The following DNAH11 variants were observed in gnomAD, a reference collection of about 807,000 sequenced individuals.
DNAH11 encodes the protein axonemal beta dynein heavy chain 11.
Under a neutral mutation model 526.0 loss-of-function variants are expected in DNAH11, and 442 were observed. That is an observed-to-expected ratio of 0.84 (90% CI 0.78 to 0.91). The LOEUF is 0.91. DNAH11 is among the 40% of genes least tolerant of loss of function. The pLI is 0.00. For synonymous variants in DNAH11, 2,461 were observed against 1,935.9 expected (o/e 1.27, Z -7.12); for missense variants, 6,989 against 5,448.7 (o/e 1.28, Z -8.90).
rs776391894 is a variant in DNAH11 at position 21,862,028 on chromosome 7, G to A, written c.11373+5G>A. 18 of 1,606,760 alleles carry A rather than the reference G, an allele frequency of 1.1e-5. No homozygotes were observed. Among genetic ancestry groups the A allele is most frequent in the Non-Finnish European group, 1.4e-5 (16 of 1,176,654 alleles). Reference sequence around the variant, plus strand: ...CTGTCCCAGATGGCTTTTCAGGTAAGGAGATCAGTTACTTGAAAAAGGATC... The same window carrying A: ...CTGTCCCAGATGGCTTTTCAGGTAAAGAGATCAGTTACTTGAAAAAGGATC... On this transcript the variant is annotated splice_donor_5th_base_variant and intron_variant, in intron 69 of 81. Coordinates refer to ENST00000409508, the MANE Select transcript of DNAH11 (RefSeq NM_001277115.2).
chr7:21,877,097 T>G (rs1390944645), intron 74 of DNAH11, among the ~76,000 whole-genome samples: 1 of 152,220 alleles, frequency 6.6e-6, no homozygotes, highest in African/African-American at 2.4e-5. Context: ...TTGTTACCCA[T>G]ATGGGTTAGG....
intron 81 of DNAH11, 75 bp from the exon 82 acceptor site, chr7:21,900,932 A>C: frequency 7.2e-7 from 1 of 1,391,182 alleles, no homozygotes. Flanking sequence ...TGTTTATTGC[A>C]TCAAACAACT....
chr7:21,866,400 C>T, intron 70 of DNAH11, 70 bp from the exon 71 acceptor site: 1 of 1,430,000 alleles, frequency 7.0e-7, no homozygotes, highest in East Asian at 2.3e-5. Flanking sequence ...TAGATACATT[C>T]ACAAGTCTTC....
intron 8 of DNAH11, among the ~76,000 whole-genome samples, chr7:21,575,455 A>G (rs566720168): frequency 5.9e-5 from 9 of 152,322 alleles, no homozygotes; most frequent in East Asian, 5.8e-4. Context: ...GAACGAGTCT[A>G]TTGTTCTGCT....
At chr7:21,766,688 A>G (rs909443245) in intron 55 of DNAH11, among the ~76,000 whole-genome samples, 1 of 150,204 alleles carries the variant, frequency 6.7e-6, no homozygotes, top group East Asian at 1.9e-4. Flanking sequence ...TATTGTTCAT[A>G]ATATCATTTT....
At chr7:21,735,542 G>A in intron 45 of DNAH11, 98 bp from the exon 46 acceptor site, 1 of 968,440 alleles carries the variant, frequency 1.0e-6, no homozygotes, top group Non-Finnish European at 1.5e-6. Context: ...ATTATAAAGT[G>A]ACTGTGTTGA....
chr7:21,587,198 A>G (rs1431447871), intron 9 of DNAH11, among the ~76,000 whole-genome samples: 3 of 152,228 alleles, frequency 2.0e-5, no homozygotes, highest in Non-Finnish European at 4.4e-5. Flanking sequence ...ACTAATGGGA[A>G]TCCAAAATCA....
chr7:21,879,285 C>T (rs1783826242), intron 74 of DNAH11, among the ~76,000 whole-genome samples: 1 of 151,964 alleles, frequency 6.6e-6, no homozygotes, highest in Admixed American at 6.6e-5. Context: ...ATCCCCATCT[C>T]TATTTAAAAA....
intron 62 of DNAH11, among the ~76,000 whole-genome samples, chr7:21,803,394 T>TG (rs1789085159): frequency 6.6e-6 from 1 of 152,204 alleles, no homozygotes; most frequent in Admixed American, 6.5e-5. Context: ...TTCACCCTCA[T>TG]GCATTTTGCC....
Position 21,870,959 on chromosome 7 carries a change from G to C in DNAH11, c.11967+1968G>C, listed in dbSNP as rs538977025. Among the ~76,000 whole-genome samples the C allele has an allele frequency of 4.1e-4, 63 of 152,326 alleles. 1 individual carries two copies. The highest frequency in any genetic ancestry group is 1.4e-3 in the African/African-American group (60 of 41,566). On this transcript the variant is annotated intron_variant, in intron 73 of 81. Coordinates refer to ENST00000409508, the MANE Select transcript of DNAH11 (RefSeq NM_001277115.2). ...GTATCCATTTGATCAGCAGGAAAAA[G>C]AGAAGCAGGACTTTGAAGAAAGAGA... is the stretch of plus-strand genomic sequence containing the variant.
intron 48 of DNAH11, 65 bp downstream of exon 48, chr7:21,739,738 T>G (rs911997508): frequency 1.9e-5 from 24 of 1,252,632 alleles, no homozygotes; most frequent in Non-Finnish European, 2.5e-5. Flanking sequence ...GAGTACAGCT[T>G]AGGATTCCTA....
chr7:21,746,277 G>T (rs1327685105), intron 51 of DNAH11, among the ~76,000 whole-genome samples: 1 of 152,158 alleles, frequency 6.6e-6, no homozygotes, highest in Non-Finnish European at 1.5e-5. Flanking sequence ...AACAGCCAAA[G>T]ACTTAAACAG....
chr7:21,674,882 C>T (rs1434476080), intron 30 of DNAH11, among the ~76,000 whole-genome samples: 1 of 152,100 alleles, frequency 6.6e-6, no homozygotes, highest in African/African-American at 2.4e-5. Context: ...AAAAAACCAA[C>T]ATACTTCACT....
intron 30 of DNAH11, among the ~76,000 whole-genome samples, chr7:21,666,966 A>T (rs933573344): frequency 6.6e-6 from 1 of 152,154 alleles, no homozygotes; most frequent in Non-Finnish European, 1.5e-5. Context: ...CTAGGAACAC[A>T]TGAAATTGAA....
At chr7:21,849,773 T>A (rs549473740) in intron 66 of DNAH11, among the ~76,000 whole-genome samples, 1 of 152,152 alleles carries the variant, frequency 6.6e-6, no homozygotes, top group Non-Finnish European at 1.5e-5. Flanking sequence ...GCGGTTTGAA[T>A]ATGCAATGAC....
intron 9 of DNAH11, among the ~76,000 whole-genome samples, chr7:21,587,810 T>G (rs972959596): frequency 6.6e-6 from 1 of 152,178 alleles, no homozygotes; most frequent in Non-Finnish European, 1.5e-5. Context: ...ATATTAGCTG[T>G]GAACGGAAAT....
intron 56 of DNAH11, among the ~76,000 whole-genome samples, chr7:21,776,895 C>T (rs1197391226): frequency 2.0e-5 from 3 of 151,996 alleles, no homozygotes; most frequent in Non-Finnish European, 4.4e-5. Flanking sequence ...GGCATTGGTA[C>T]AATCCACAGA....
intron 28 of DNAH11, among the ~76,000 whole-genome samples, chr7:21,651,094 G>T (rs778991597): frequency 1.3e-5 from 2 of 151,872 alleles, no homozygotes; most frequent in African/African-American, 2.4e-5. Context: ...CCATATTTTG[G>T]TCATGATTTA....
chr7:21,860,088 G>T (rs555118117), intron 68 of DNAH11, among the ~76,000 whole-genome samples: 2 of 152,234 alleles, frequency 1.3e-5, no homozygotes, highest in African/African-American at 4.8e-5. Context: ...TGGGAGGGTT[G>T]CTTAGGACCG....
Sources: gnomAD v4.1 joint callset for allele counts (sites outside exome capture counted in the v4.1 genomes callset) on GRCh38, gnomAD v4.1.1 for gene constraint, MANE v1.5 for transcripts, NCBI Gene and HGNC (gene_info 2026-07-23, HGNC 2026-07-21) for gene names.